ZNF395: variants seen among roughly 807,000 people sequenced by gnomAD.
ZNF395 encodes zinc finger protein 395.
Under a neutral mutation model 57.7 loss-of-function variants are expected in ZNF395, and 20 were observed. The ratio of observed to expected loss-of-function variants is 0.35; its 90% confidence interval spans 0.24 to 0.50. The LOEUF (loss-of-function observed/expected upper bound fraction) is 0.50. Ranked by LOEUF, ZNF395 falls within the 20% of genes least tolerant of loss-of-function variation. ZNF395 has a pLI of 0.97. For missense variants in ZNF395, 606 were observed against 671.2 expected (o/e 0.90, Z 1.07); for synonymous variants, 295 against 275.9 (o/e 1.07, Z -0.69).
chr8:28,369,873 A>G (rs1801957065), intron 1 of ZNF395, among the ~76,000 whole-genome samples: 1 of 152,186 alleles, frequency 6.6e-6, no homozygotes, highest in Non-Finnish European at 1.5e-5. Context: ...CACCAAACCA[A>G]ATATTAAGAA....
intron 2 of ZNF395, among the ~76,000 whole-genome samples, chr8:28,360,233 G>A (rs549823123): frequency 6.6e-5 from 10 of 152,246 alleles, no homozygotes; most frequent in Non-Finnish European, 1.3e-4. Context: ...CAGGGGTGCA[G>A]AGACAGGCCA....
rs772446683 is a variant in ZNF395, at chr8:28,350,065, GGA to G, written c.1323_1324del (p.Pro442GlyfsTer42). On this transcript the variant is annotated frameshift_variant and splice_region_variant, in exon 8 of 10. Coordinates refer to ENST00000344423, the MANE Select transcript of ZNF395 (RefSeq NM_018660.3). LOFTEE classifies it high-confidence loss of function. ...CAGCCGTGCTGCCCGCACACTCACC[GGA>G]GAGAGAGAGCAGGCGGCGGAGGGGG... 7.5e-6 allele frequency: 12 copies of G among 1,598,208 alleles called. No homozygotes were observed. The highest frequency in any genetic ancestry group is 2.7e-5 in the African/African-American group (2 of 74,450).
At chr8:28,384,652 C>A (rs1333112446) in intron 1 of ZNF395, among the ~76,000 whole-genome samples, 1 of 152,200 alleles carries the variant, frequency 6.6e-6, no homozygotes, top group East Asian at 1.9e-4. Context: ...AATTATCCCA[C>A]CTGTTACTTT....
chr8:28,367,923 C>G (rs1024968495), intron 1 of ZNF395, among the ~76,000 whole-genome samples: 4 of 152,180 alleles, frequency 2.6e-5, no homozygotes, highest in Non-Finnish European at 5.9e-5. Context: ...GACAGGGTTT[C>G]CTTAAAAACA....
At chr8:28,374,240 C>G (rs12680464) in intron 1 of ZNF395, among the ~76,000 whole-genome samples, 1 of 152,140 alleles carries the variant, frequency 6.6e-6, no homozygotes, top group African/African-American at 2.4e-5. Flanking sequence ...AGAGACCTTA[C>G]GTAATCCACA....
chr8:28,369,027 G>C (rs1427338884), intron 1 of ZNF395, among the ~76,000 whole-genome samples: 1 of 151,988 alleles, frequency 6.6e-6, no homozygotes, highest in Non-Finnish European at 1.5e-5. Flanking sequence ...GTAGAGATGG[G>C]GTTTCACCAA....
chr8:28,346,397 C>T lies in ZNF395; in HGVS notation c.*2322G>A, dbSNP rs1295752492. ...ACAGAGCACGTGTGAAGAACCAACA[C>T]GACAGGCACGGGATGGCAGCACGGG... On this transcript the variant is annotated 3_prime_UTR_variant, in exon 10 of 10. Transcript: ENST00000344423. 6 of 152,226 alleles carry T rather than the reference C, an allele frequency of 3.9e-5. No individual in the cohort carries two copies. The highest frequency in any genetic ancestry group is 4.2e-4 in the South Asian group (2 of 4,802). The allele number at this position is 152,226 out of a possible 1,614,324, so 9.4% of individuals were successfully genotyped here.
chr8:28,372,351 TGACCTGAAAAAAAGTA>T (rs1801987526), intron 1 of ZNF395, among the ~76,000 whole-genome samples: 1 of 152,098 alleles, frequency 6.6e-6, no homozygotes, highest in Non-Finnish European at 1.5e-5. Flanking sequence ...CGATAAATGC[TGACCTGAAAAAAAGTA>T]GACACCAAAT....
chr8:28,385,721 G>A (rs1272995891), intron 1 of ZNF395, among the ~76,000 whole-genome samples: 1 of 148,612 alleles, frequency 6.7e-6, no homozygotes, highest in Admixed American at 6.7e-5. Context: ...CCCTGTCCCT[G>A]CGAGGGGCGA....
chr8:28,372,452 A>C (rs994953810), intron 1 of ZNF395, among the ~76,000 whole-genome samples: 7 of 152,236 alleles, frequency 4.6e-5, no homozygotes, highest in African/African-American at 1.7e-4. Flanking sequence ...AAATACAGTA[A>C]ATTTTAACAT....
Position 28,348,643 on chromosome 8 carries a change from G to T in ZNF395, c.*76C>A. On this transcript the variant is annotated 3_prime_UTR_variant, in exon 10 of 10. Transcript: ENST00000344423. The stretch of plus-strand genomic sequence containing the variant: ...CGTTCTTTCTCTTTCGGTTTCTGCT[G>T]AGGGCTGGTGACACACTGGCCTCTT... 7.5e-7 allele frequency: 1 copy of T among 1,334,624 alleles called. No homozygotes were observed. The highest frequency in any genetic ancestry group is 1.1e-6 in the Non-Finnish European group (1 of 927,522). The allele number at this position is 1,334,624 out of a possible 1,614,324, so 82.7% of individuals were successfully genotyped here. A position where few individuals can be genotyped will look rare whatever the true frequency, so the allele number is the denominator to read the frequency against.
rs117776825 is a variant in ZNF395 at position 28,364,281 on chromosome 8, C to T, written c.-58-3099G>A. ...TGATTCTAGTAGGTGTGGGATCTCT[C>T]AAAATAAAACACTCAATTAAGTTGA... On this transcript the variant is annotated intron_variant, in intron 1 of 9. Coordinates refer to ENST00000344423, the MANE Select transcript of ZNF395 (RefSeq NM_018660.3). 7.0e-3 allele frequency among the ~76,000 whole-genome samples: 1,072 copies of T among 152,200 alleles called. 7 individuals are homozygous for T. The highest frequency in any genetic ancestry group is 0.017 in the Middle Eastern group (5 of 294).
Position 28,350,143 on chromosome 8 carries a change from A to G in ZNF395, c.1247T>C (p.Phe416Ser). Reference protein sequence around the residue: ...ADHAYQALPSFQIPVSPHIYT... With the variant: ...ADHAYQALPSSQIPVSPHIYT... ...GATGTGTGGTGAGACTGGGATCTGG[A>G]AGGATGGCAGAGCCTGCGGAAGACG... Residue 416 changes from phenylalanine to serine, a missense_variant, in exon 8 of 10, where the codon TTC (phenylalanine) becomes TCC (serine). By Grantham distance (155) the Phe-to-Ser change is radical. This residue lies in a region of ZNF395 where 261 missense variants were observed against 240.3 expected (regional missense o/e 1.09). Coordinates refer to ENST00000344423, the MANE Select transcript of ZNF395 (RefSeq NM_018660.3). The G allele has an allele frequency of 6.2e-7, 1 of 1,607,448 alleles. No individual in the cohort carries two copies. The highest frequency in any genetic ancestry group is 8.5e-7 in the Non-Finnish European group (1 of 1,178,176).
At chr8:28,376,293 T>C (rs1294475439) in intron 1 of ZNF395, among the ~76,000 whole-genome samples, 1 of 151,878 alleles carries the variant, frequency 6.6e-6, no homozygotes, top group Non-Finnish European at 1.5e-5. Flanking sequence ...TGAGCCACCA[T>C]GCCCAGCTGG....
intron 1 of ZNF395, among the ~76,000 whole-genome samples, chr8:28,379,470 G>A (rs1484155520): frequency 6.6e-6 from 1 of 152,022 alleles, no homozygotes; most frequent in Non-Finnish European, 1.5e-5. Context: ...TTCGAATCCA[G>A]CCAGGACAAC....
intron 1 of ZNF395, among the ~76,000 whole-genome samples, chr8:28,370,667 C>G (rs1801966090): frequency 6.6e-6 from 1 of 152,176 alleles, no homozygotes. Flanking sequence ...GGCACATACT[C>G]TCCGAGTTTT....
chr8:28,350,022 C>T, intron 8 of ZNF395, 42 bp downstream of exon 8: 5 of 1,522,920 alleles, frequency 3.3e-6, no homozygotes, highest in Non-Finnish European at 4.4e-6. Flanking sequence ...TGGGAGAGCC[C>T]TCGGCCATAC....
In ZNF395 at chr8:28,356,823, G is replaced by A; in HGVS notation, c.474-44C>T. 6.6e-7 allele frequency: 1 copy of A among 1,510,030 alleles called. No homozygotes were observed. The highest frequency in any genetic ancestry group is 9.1e-7 in the Non-Finnish European group (1 of 1,103,770). 93.5% of individuals were successfully genotyped at this position (1,510,030 alleles called of 1,614,324 possible). On this transcript the variant is annotated intron_variant, in intron 3 of 9. Transcript: ENST00000344423. This position sits in a 1 kb window ranked among gnomAD's most constrained non-coding sequence, Gnocchi z 4.0. ...GTGGGAAATGTTACTTCCTGGCATG[G>A]CGGGCCCATGGTCCTTGCAAAACGA...
In ZNF395 at chr8:28,351,760, T is replaced by C; in HGVS notation, c.968A>G (p.Tyr323Cys). The stretch of plus-strand genomic sequence containing the variant: ...TTCCTCCTTCAGCTGCACCTCTGTG[T>C]AGTAGAAATCCTCCTCCCGCTTGAA... The part of the protein sequence containing the change: ...DQFKREEDFY[Y>C]TEVQLKEESA... The change falls in exon 7 of 10, where the codon TAC becomes TGC. Residue 323 changes from tyrosine (Y) to cysteine (C), a missense_variant. Tyr to Cys is a radical substitution (Grantham distance 194). This residue lies in a region of ZNF395 where 261 missense variants were observed against 240.3 expected (regional missense o/e 1.09). Coordinates refer to ENST00000344423, the MANE Select transcript of ZNF395 (RefSeq NM_018660.3). 6.3e-7 allele frequency: 1 copy of C among 1,596,068 alleles called. No homozygotes were observed. The highest frequency in any genetic ancestry group is 1.1e-5 in the South Asian group (1 of 90,122).
Sources: allele counts gnomAD v4.1 joint callset (sites outside exome capture counted in the v4.1 genomes callset), GRCh38; gene constraint gnomAD v4.1.1; regional missense constraint gnomAD v4.1.1; non-coding constraint Gnocchi (gnomAD v3.1); transcripts MANE v1.5; gene names NCBI Gene and HGNC (gene_info 2026-07-23, HGNC 2026-07-21).